FANCM: variants seen among roughly 807,000 people sequenced by gnomAD.
The protein encoded by FANCM is Fanconi anemia group M protein.
A neutral mutation model predicts 199.5 loss-of-function variants in FANCM; 140 were observed. That is an observed-to-expected ratio of 0.70 (90% CI 0.61 to 0.81). The LOEUF (loss-of-function observed/expected upper bound fraction) is 0.81. FANCM is among the 30% of genes least tolerant of loss of function. FANCM has a pLI of 0.00. For missense variants in FANCM, 2,410 were observed against 2,421.4 expected (o/e 1.00, Z 0.10); for synonymous variants, 840 against 836.8 (o/e 1.00, Z -0.07).
At chr14:45,174,994 G>A in intron 13 of FANCM, 77 bp from the exon 14 acceptor site, 1 of 804,306 alleles carries the variant, frequency 1.2e-6, no homozygotes, top group Admixed American at 2.0e-5. Flanking sequence ...TTAATATAGA[G>A]TGAAACTCCT....
At chr14:45,174,970 A>G in intron 13 of FANCM, 101 bp from the exon 14 acceptor site, 2 of 671,464 alleles carry the variant, frequency 3.0e-6, no homozygotes, top group South Asian at 3.7e-5. Context: ...GAACAATGTA[A>G]TAATATAAAT....
At chr14:45,136,941 A>G in intron 1 of FANCM, 128 bp from the exon 2 acceptor site, 1 of 777,972 alleles carries the variant, frequency 1.3e-6, no homozygotes, top group Non-Finnish European at 2.2e-6. Flanking sequence ...TAGCATTCCG[A>G]TGAATTGTCA....
intron 14 of FANCM, among the ~76,000 whole-genome samples, chr14:45,179,875 G>A (rs1327223808): frequency 6.6e-6 from 1 of 151,696 alleles, no homozygotes; most frequent in Non-Finnish European, 1.5e-5. Context: ...TTTGCTTTTC[G>A]TGCTAACTGC....
chr14:45,161,794 T>A (rs1887627630), intron 9 of FANCM, among the ~76,000 whole-genome samples: 1 of 151,354 alleles, frequency 6.6e-6, no homozygotes. Context: ...GAAAAAAAAA[T>A]CATGCTGGTT....
intron 14 of FANCM, among the ~76,000 whole-genome samples, chr14:45,179,690 T>C (rs559906429): frequency 3.3e-5 from 5 of 151,582 alleles, no homozygotes; most frequent in African/African-American, 1.2e-4. Flanking sequence ...GCCTCTCAAG[T>C]AGCTGGCACT....
At chr14:45,191,469 C>T (rs1177120608) in intron 20 of FANCM, among the ~76,000 whole-genome samples, 1 of 152,128 alleles carries the variant, frequency 6.6e-6, no homozygotes, top group South Asian at 2.1e-4. Context: ...ACCATAGTTG[C>T]CTATTCACCC....
Position 45,148,983 on chromosome 14 carries a change from G to C in FANCM, c.906G>C (p.Lys302Asn), listed in dbSNP as rs774016583. Residue 302 changes from lysine (K) to asparagine (N), a missense_variant, in exon 4 of 23, where the codon AAG becomes AAC. Lys to Asn is a moderately conservative substitution (Grantham distance 94). Transcript: ENST00000267430. ...PLGEELAAIQ[K>N]TYIQILESFA... ...GTGAAGAACTTGCAGCCATCCAAAAGACCTATATCCAGGTAAACCATTTTT... is the reference window on the plus strand; with the variant it reads ...GTGAAGAACTTGCAGCCATCCAAAACACCTATATCCAGGTAAACCATTTTT... 6.8e-6 allele frequency: 11 copies of C among 1,613,456 alleles called. No homozygotes were observed. In the South Asian group the frequency reaches 1.2e-4, roughly 18 times the overall value.
At chr14:45,182,145 C>T (rs1368035281) in intron 16 of FANCM, among the ~76,000 whole-genome samples, 1 of 152,108 alleles carries the variant, frequency 6.6e-6, no homozygotes, top group Non-Finnish European at 1.5e-5. Flanking sequence ...AGCCCTTAAC[C>T]TCGATCTCGG....
Position 45,136,241 on chromosome 14 carries a change from A to G in FANCM, c.210A>G (p.Leu70=), listed in dbSNP as rs1371021468. The G allele has an allele frequency of 1.2e-6, 2 of 1,614,140 alleles. No individual in the cohort carries two copies. The highest frequency in any genetic ancestry group is 1.7e-6 in the Non-Finnish European group (2 of 1,180,022). The change falls in exon 1 of 23, where the codon CTA becomes CTG. Residue 70 remains leucine (L), a synonymous_variant. Coordinates refer to ENST00000267430, the MANE Select transcript of FANCM (RefSeq NM_020937.4). ...AAYEAERQLC[L]ENGGFCTSAG... Reference sequence around the variant, plus strand: ...ACGAGGCTGAGCGGCAGTTGTGTCTAGAGAATGGCGGGTTCTGCACCTCCG... The same window carrying G: ...ACGAGGCTGAGCGGCAGTTGTGTCTGGAGAATGGCGGGTTCTGCACCTCCG...
intron 8 of FANCM, among the ~76,000 whole-genome samples, chr14:45,158,304 G>T (rs1386534103): frequency 6.6e-6 from 1 of 152,070 alleles, no homozygotes; most frequent in Non-Finnish European, 1.5e-5. Flanking sequence ...ATCCATATTA[G>T]ATATGAAGAA....
intron 10 of FANCM, 31 bp downstream of exon 10, chr14:45,164,596 A>G (rs17115859): frequency 3.3e-5 from 49 of 1,503,234 alleles, no homozygotes; most frequent in Non-Finnish European, 3.3e-5. Flanking sequence ...ACAATTTGAC[A>G]CTTGAAATTT....
In FANCM at chr14:45,185,232, T is replaced by C. The variant is rs1217296073; in HGVS notation, c.4531T>C (p.Phe1511Leu). 2 of 1,599,444 alleles carry C rather than the reference T, an allele frequency of 1.3e-6. No homozygotes were observed. Among genetic ancestry groups the C allele is most frequent in the Non-Finnish European group, 1.7e-6 (2 of 1,168,356 alleles). Residue 1511 changes from phenylalanine to leucine, a missense_variant, in exon 18 of 23, where the codon TTT becomes CTT. Phe to Leu is a conservative substitution (Grantham distance 22). Coordinates refer to ENST00000267430, the MANE Select transcript of FANCM (RefSeq NM_020937.4). The part of the protein sequence containing the change: ...QSHLKHVARK[F>L]LDDEAELSEE... ...TCTTACTTAGCATGTAGCTAGGAAG[T>C]TTTTAGATGATGAAGCAGAACTTTC...
Position 45,175,823 on chromosome 14 carries a change from A to G in FANCM, c.3069A>G (p.Leu1023=). ...CTGCACTTGAGAATTTGCTTTTCTT[A>G]CCCTGTGCAGAGCATTTACGAAGTG... is the stretch of plus-strand genomic sequence containing the variant. ...KGTALENLLF[L]PCAEHLRSDK... The change falls in exon 14 of 23, where the codon TTA becomes TTG. Residue 1023 remains leucine (L), a synonymous_variant. Transcript: ENST00000267430. 2.5e-6 allele frequency: 4 copies of G among 1,613,908 alleles called. No homozygotes were observed. The highest frequency in any genetic ancestry group is 3.4e-6 in the Non-Finnish European group (4 of 1,179,958).
chr14:45,153,934 C>T lies in FANCM; in HGVS notation c.1065C>T (p.Gly355=). The part of the protein sequence containing the change: ...PSPNIVGIQQ[G]IIEGEFAICI... ...TGTTTTTCTAGGGAATACAACAAGGCATAATCGAGGGAGAGTTTGCTATTT... is the reference window on the plus strand; with the variant it reads ...TGTTTTTCTAGGGAATACAACAAGGTATAATCGAGGGAGAGTTTGCTATTT... The change falls in exon 6 of 23, where the codon GGC becomes GGT. Residue 355 remains glycine (G), a synonymous_variant. Transcript: ENST00000267430. The T allele has an allele frequency of 6.2e-7, 1 of 1,609,636 alleles. No homozygotes were observed. Among genetic ancestry groups the T allele is most frequent in the Non-Finnish European group, 8.5e-7 (1 of 1,176,114 alleles).
chr14:45,164,184 A>G (rs143343293), intron 9 of FANCM, among the ~76,000 whole-genome samples, 175 bp from the exon 10 acceptor site: 153 of 152,308 alleles, frequency 1.0e-3, no homozygotes, highest in African/African-American at 3.3e-3. Flanking sequence ...GACTCAAGCA[A>G]TCTTTCTGCC....
At chr14:45,177,677 C>G (rs1411689148) in intron 14 of FANCM, among the ~76,000 whole-genome samples, 3 of 152,156 alleles carry the variant, frequency 2.0e-5, no homozygotes, top group African/African-American at 7.2e-5. Context: ...CATGTGTGAG[C>G]CACTGCGCCT....
rs1885453511 is a variant in FANCM at position 45,135,980 on chromosome 14, A to AGCT, written c.-42_-40dup. Reference sequence around the variant, plus strand: ...ATGGGGATCGGAACCGTAGCGGTTGAGCTGCTGCTGCTACGGATATCTGAC... The same window carrying AGCT: ...ATGGGGATCGGAACCGTAGCGGTTGAGCTGCTGCTGCTGCTACGGATATCTGAC... On this transcript the variant is annotated 5_prime_UTR_variant, in exon 1 of 23. Coordinates refer to ENST00000267430, the MANE Select transcript of FANCM (RefSeq NM_020937.4). 1.9e-6 allele frequency: 3 copies of AGCT among 1,596,160 alleles called. No homozygotes were observed. The highest frequency in any genetic ancestry group is 8.6e-7 in the Non-Finnish European group (1 of 1,166,336).
chr14:45,194,842 C>G (rs182035775), intron 20 of FANCM, among the ~76,000 whole-genome samples: 1 of 148,622 alleles, frequency 6.7e-6, no homozygotes, highest in Admixed American at 6.7e-5. Context: ...GGCAGAGCCT[C>G]GCTCCGTAGC....
In FANCM at chr14:45,147,904, C is replaced by CCT. The variant is rs879671904; in HGVS notation, c.760-932_760-931insTC. On this transcript the variant is annotated intron_variant, in intron 3 of 22. Transcript: ENST00000267430. ...AGAGGGAGGTTCCAAACCGCCCCCC[C>CCT]CCCAAAAAAAAAGCCGGGCGTGATG... 8.1e-3 allele frequency among the ~76,000 whole-genome samples: 1,211 copies of CCT among 149,818 alleles called. 11 individuals carry two copies. The highest frequency in any genetic ancestry group is 0.026 in the African/African-American group (1,065 of 40,366).
Sources: allele counts gnomAD v4.1 joint callset (sites outside exome capture counted in the v4.1 genomes callset), GRCh38; gene constraint gnomAD v4.1.1; transcripts MANE v1.5; gene names NCBI Gene and HGNC (gene_info 2026-07-23, HGNC 2026-07-21).